Variants in TEP1 observed in about 807,000 individuals in gnomAD.
TEP1 encodes telomerase associated protein 1, also known as telomerase protein component 1.
Under a neutral mutation model 306.3 loss-of-function variants are expected in TEP1, and 241 were observed. That is an observed-to-expected ratio of 0.79 (90% CI 0.71 to 0.88). The LOEUF is 0.88. TEP1 is among the 40% of genes least tolerant of loss of function. The probability of loss-of-function intolerance (pLI) is 0.00; values close to 1 mark genes in which losing one functional copy is unlikely to be tolerated. For synonymous variants in TEP1, 1,289 were observed against 1,305.5 expected (o/e 0.99, Z 0.27); for missense variants, 3,051 against 3,276.1 (o/e 0.93, Z 1.68).
In TEP1 at chr14:20,383,247, G is replaced by GCAGAGGCCTC. The variant is rs774798682; in HGVS notation, c.3964_3973dup (p.Ala1325GlyfsTer26). ...CTCCTCTCTCACCAGCCGGGCCCGA[G>GCAGAGGCCTC]CAGAGGCCTCCAGAGGCCCCAAGGC... On this transcript the variant is annotated frameshift_variant, in exon 27 of 55. Coordinates refer to ENST00000262715, the MANE Select transcript of TEP1 (RefSeq NM_007110.5). LOFTEE classifies it high-confidence loss of function. 1.4e-5 allele frequency: 22 copies of GCAGAGGCCTC among 1,614,012 alleles called. No individual in the cohort carries two copies. In the South Asian group the frequency reaches 2.4e-4, roughly 18 times the overall value.
chr14:20,392,798 T>C (rs1288752524), intron 12 of TEP1, among the ~76,000 whole-genome samples: 3 of 152,242 alleles, frequency 2.0e-5, no homozygotes, highest in African/African-American at 7.2e-5. Flanking sequence ...ATTCTCATTG[T>C]ATAAAAAATG....
At chr14:20,379,191 G>A (rs1885385716) in intron 35 of TEP1, 86 bp from the exon 36 acceptor site, 21 of 1,537,274 alleles carry the variant, frequency 1.4e-5, no homozygotes, top group Non-Finnish European at 1.8e-5. Flanking sequence ...CAAAAAGAAG[G>A]CCAAGGCACA....
Position 20,403,573 on chromosome 14 carries a change from C to T in TEP1, c.1195-125G>A, listed in dbSNP as rs1050319964. The T allele has an allele frequency of 2.7e-5, 43 of 1,586,846 alleles. No homozygotes were observed. In the South Asian group the frequency reaches 4.5e-4, roughly 17 times the overall value. On this transcript the variant is annotated intron_variant, in intron 6 of 54. Coordinates refer to ENST00000262715, the MANE Select transcript of TEP1 (RefSeq NM_007110.5). ...CCAACTAGAAAAGAAGACTGCCCTG[C>T]ACCATATGCCCATGAGCTCTACCCA...
rs1354707924 is a variant in TEP1, at chr14:20,368,782, A to G, written c.7761+16T>C. 3.8e-6 allele frequency: 6 copies of G among 1,560,876 alleles called. No homozygotes were observed. In the East Asian group the frequency reaches 1.3e-4, roughly 35 times the overall value. On this transcript the variant is annotated intron_variant, in intron 54 of 54. Transcript: ENST00000262715. ...GGCGCACGCACACACACACACACAC[A>G]CACACACACACTTACCAGCTGCATA... is the stretch of plus-strand genomic sequence containing the variant.
chr14:20,399,509 T>G (rs2139159764), intron 9 of TEP1, among the ~76,000 whole-genome samples: 1 of 151,532 alleles, frequency 6.6e-6, no homozygotes, highest in South Asian at 2.1e-4. Flanking sequence ...TATTTTATAC[T>G]TATATCTTTT....
Position 20,369,524 on chromosome 14 carries a change from T to C in TEP1, c.7476A>G (p.Lys2492=), listed in dbSNP as rs762035454. Residue 2492 remains lysine, a synonymous_variant, in exon 53 of 55, where the codon AAA becomes AAG. Transcript: ENST00000262715. ...TGGTCCATTCTCCTTCTGGGCTGCA[T>C]TTGGCCAGGTTCCATAGGATCCCAT... is the stretch of plus-strand genomic sequence containing the variant. ...SSDGILWNLA[K]CSPEGEWTTG... 9 of 1,614,028 alleles carry C rather than the reference T, an allele frequency of 5.6e-6. No homozygotes were observed. The highest frequency in any genetic ancestry group is 5.0e-5 in the Admixed American group (3 of 59,996).
At chr14:20,409,770 CA>C (rs1879482244) in intron 1 of TEP1, among the ~76,000 whole-genome samples, 2 of 152,006 alleles carry the variant, frequency 1.3e-5, no homozygotes, top group South Asian at 4.1e-4. Context: ...CCTGTAATCC[CA>C]GCACTTTGGG....
At chr14:20,407,202 C>T (rs949929111) in intron 2 of TEP1, among the ~76,000 whole-genome samples, 4 of 152,236 alleles carry the variant, frequency 2.6e-5, no homozygotes, top group African/African-American at 9.6e-5. Context: ...TAAGTGGTCT[C>T]TGGTACAGGC....
In TEP1 at chr14:20,408,112, G is replaced by T; in HGVS notation, c.328C>A (p.Arg110=). 3 of 1,609,862 alleles carry T rather than the reference G, an allele frequency of 1.9e-6. No individual in the cohort carries two copies. Among genetic ancestry groups the T allele is most frequent in the Non-Finnish European group, 2.5e-6 (3 of 1,177,390 alleles). ...AGACTAGAGAGGGTGGCCAGGCACC[G>T]GTTCTCCAAGGAGAGGATGTCTGGG... ...AHPDILSLEN[R]CLATLSSLKS... is the part of the protein sequence containing the mutation. Residue 110 remains arginine (R), a synonymous_variant, in exon 2 of 55, where the codon CGG becomes AGG. Coordinates refer to ENST00000262715, the MANE Select transcript of TEP1 (RefSeq NM_007110.5).
intron 16 of TEP1, 65 bp downstream of exon 16, chr14:20,389,545 A>G: frequency 6.3e-7 from 1 of 1,592,186 alleles, no homozygotes; most frequent in East Asian, 2.2e-5. Flanking sequence ...ATGCTTTGGC[A>G]GGCGTAGAGA....
intron 12 of TEP1, among the ~76,000 whole-genome samples, chr14:20,394,555 C>T (rs527822925): frequency 8.8e-5 from 13 of 147,778 alleles, no homozygotes; most frequent in African/African-American, 3.2e-4. Flanking sequence ...TCTCAGCTCA[C>T]AGCAACCTCC....
intron 15 of TEP1, 93 bp from the exon 16 acceptor site, chr14:20,389,833 A>T: frequency 6.6e-7 from 1 of 1,512,962 alleles, no homozygotes; most frequent in Non-Finnish European, 8.9e-7. Flanking sequence ...GAGGATTAGG[A>T]GAACTCTGAG....
rs754078113 is a variant in TEP1, at chr14:20,368,781, CA to C, written c.7761+16del. The C allele has an allele frequency of 0.014, 21,910 of 1,603,792 alleles. 140 individuals carry two copies. The highest frequency in any genetic ancestry group is 0.016 in the Non-Finnish European group (19,004 of 1,171,250). On this transcript the variant is annotated intron_variant, in intron 54 of 54. Coordinates refer to ENST00000262715, the MANE Select transcript of TEP1 (RefSeq NM_007110.5). ...AGGCGCACGCACACACACACACACA[CA>C]CACACACACACTTACCAGCTGCATA... is the stretch of plus-strand genomic sequence containing the variant.
At chr14:20,409,939 G>A (rs917170652) in intron 1 of TEP1, among the ~76,000 whole-genome samples, 2 of 146,220 alleles carry the variant, frequency 1.4e-5, no homozygotes, top group African/African-American at 2.5e-5. Flanking sequence ...GGAGAATGGC[G>A]TGAACCAGGG....
intron 4 of TEP1, 132 bp downstream of exon 4, chr14:20,405,319 A>T: frequency 8.0e-7 from 1 of 1,248,626 alleles, no homozygotes; most frequent in Non-Finnish European, 1.1e-6. Context: ...CCGCAGACTC[A>T]CCCAGAAATC....
In TEP1 at chr14:20,380,393, T is replaced by A; in HGVS notation, c.4845A>T (p.Ser1615=). 2 of 1,614,186 alleles carry A rather than the reference T, an allele frequency of 1.2e-6. No homozygotes were observed. Among genetic ancestry groups the A allele is most frequent in the Non-Finnish European group, 1.7e-6 (2 of 1,180,030 alleles). ...VFRTFLRQQA[S]ILSQYPRLLP... is the part of the protein sequence containing the mutation. ...GGAGCCGGGGGTACTGGCTGAGGATTGAAGCCTGCTGCCTCAGGAAGGTGC... is the reference window on the plus strand; with the variant it reads ...GGAGCCGGGGGTACTGGCTGAGGATAGAAGCCTGCTGCCTCAGGAAGGTGC... The change falls in exon 34 of 55, where the codon TCA becomes TCT. Residue 1615 remains serine, a synonymous_variant. Transcript: ENST00000262715.
Position 20,379,034 on chromosome 14 carries a change from A to ACTCTTTCT in TEP1, c.5198_5199insAGAAAGAG (p.Phe1733LeufsTer38). On this transcript the variant is annotated frameshift_variant, in exon 36 of 55. Coordinates refer to ENST00000262715, the MANE Select transcript of TEP1 (RefSeq NM_007110.5). LOFTEE classifies it high-confidence loss of function. ...CCAGGAGCCCGTCGAAGGCAGTAAG[A>ACTCTTTCT]AAGAGTGTATCATCGGAGAGGAACA... 6.2e-7 allele frequency: 1 copy of ACTCTTTCT among 1,614,216 alleles called. No homozygotes were observed. Among genetic ancestry groups the ACTCTTTCT allele is most frequent in the Non-Finnish European group, 8.5e-7 (1 of 1,180,026 alleles).
chr14:20,379,041 GTATCA>G lies in TEP1; in HGVS notation c.5187_5191del (p.Asp1730ThrfsTer25), dbSNP rs1424342500. The stretch of plus-strand genomic sequence containing the variant: ...CCCGTCGAAGGCAGTAAGAAAGAGT[GTATCA>G]TCGGAGAGGAACAAACAAGCAGAGA... On this transcript the variant is annotated frameshift_variant, in exon 36 of 55. Transcript: ENST00000262715. LOFTEE classifies it high-confidence loss of function. 1.9e-6 allele frequency: 3 copies of G among 1,614,224 alleles called. No homozygotes were observed. Among genetic ancestry groups the G allele is most frequent in the Non-Finnish European group, 2.5e-6 (3 of 1,180,042 alleles).
In TEP1 at chr14:20,403,418, A is replaced by AAC. The variant is rs1878915747; in HGVS notation, c.1223_1224dup (p.Phe409ValfsTer6). On this transcript the variant is annotated frameshift_variant, in exon 7 of 55. Transcript: ENST00000262715. LOFTEE classifies it high-confidence loss of function. Reference sequence around the variant, plus strand: ...CTGAGAAACCCTATGTACCTTGGAAAACATCTGTGAGAAAATGGAGGCTCC... The same window carrying AAC: ...CTGAGAAACCCTATGTACCTTGGAAAACACATCTGTGAGAAAATGGAGGCTCC... 2 of 1,614,196 alleles carry AAC rather than the reference A, an allele frequency of 1.2e-6. No homozygotes were observed. Among genetic ancestry groups the AAC allele is most frequent in the East Asian group, 4.5e-5 (2 of 44,882 alleles).
Sources: gnomAD v4.1 joint callset for allele counts (sites outside exome capture counted in the v4.1 genomes callset) on GRCh38, gnomAD v4.1.1 for gene constraint, MANE v1.5 for transcripts, NCBI Gene and HGNC (gene_info 2026-07-23, HGNC 2026-07-21) for gene names.